The following TDRD7 variants were observed in gnomAD, a reference collection of about 807,000 sequenced individuals.
TDRD7 encodes the protein tudor domain containing 7, also known as tudor domain-containing protein 7.
Under a neutral mutation model 109.8 loss-of-function variants are expected in TDRD7, and 47 were observed. The ratio of observed to expected loss-of-function variants is 0.43; its 90% CI spans 0.34 to 0.55. The LOEUF is 0.55. TDRD7 is among the 20% of genes least tolerant of loss of function. TDRD7 has a pLI of 0.03. For missense variants in TDRD7, 1,164 were observed against 1,319.2 expected (o/e 0.88, Z 1.82); for synonymous variants, 424 against 457.3 (o/e 0.93, Z 0.93).
At chr9:97,469,038 T>A (rs1007949927) in intron 8 of TDRD7, among the ~76,000 whole-genome samples, 1 of 152,216 alleles carries the variant, frequency 6.6e-6, no homozygotes, top group African/African-American at 2.4e-5. Flanking sequence ...CTTTTGAGGC[T>A]TTGGAGCAGT....
intron 12 of TDRD7, among the ~76,000 whole-genome samples, chr9:97,476,982 A>G (rs573027929): frequency 6.6e-6 from 1 of 152,042 alleles, no homozygotes; most frequent in South Asian, 2.1e-4. Context: ...ATCTCGGGTC[A>G]TATGACCAAG....
intron 5 of TDRD7, among the ~76,000 whole-genome samples, chr9:97,440,180 T>G (rs1828276912): frequency 6.6e-6 from 1 of 152,226 alleles, no homozygotes. Context: ...GAATATCCTT[T>G]TAGAAGCTTA....
intron 6 of TDRD7, among the ~76,000 whole-genome samples, chr9:97,442,887 C>T (rs1828335637): frequency 6.6e-6 from 1 of 152,066 alleles, no homozygotes; most frequent in Admixed American, 6.6e-5. Context: ...CCTTCGCCTC[C>T]AGGGTTCAGG....
intron 9 of TDRD7, among the ~76,000 whole-genome samples, chr9:97,471,106 A>G (rs771170862): frequency 6.6e-6 from 1 of 152,184 alleles, no homozygotes; most frequent in Non-Finnish European, 1.5e-5. Flanking sequence ...GTTTGATCAC[A>G]GGTCACATGC....
chr9:97,417,254 G>T (rs182614040), intron 1 of TDRD7, among the ~76,000 whole-genome samples: 15 of 152,284 alleles, frequency 9.9e-5, no homozygotes, highest in Non-Finnish European at 1.6e-4. Flanking sequence ...AGAAGTGGGG[G>T]TTGCAGGTTA....
rs117483695 is a variant in TDRD7 at position 97,439,565 on chromosome 9, A to G, written c.637+247A>G. On this transcript the variant is annotated intron_variant, in intron 5 of 16. Transcript: ENST00000355295. ...CCCAGCCCTACTCTGTGTCACCTCTATGTGTGGCCTGCAGAGATGCTTGTG... is the reference window on the plus strand; with the variant it reads ...CCCAGCCCTACTCTGTGTCACCTCTGTGTGTGGCCTGCAGAGATGCTTGTG... 1.1e-3 allele frequency among the ~76,000 whole-genome samples: 169 copies of G among 152,246 alleles called. 2 individuals carry two copies. In the East Asian group the frequency reaches 0.029, roughly 26 times the overall value.
In TDRD7 at chr9:97,439,280, A is replaced by G. The variant is rs1339727470; in HGVS notation, c.599A>G (p.Gln200Arg). 4 of 1,602,914 alleles carry G rather than the reference A, an allele frequency of 2.5e-6. No individual in the cohort carries two copies. In the South Asian group the frequency reaches 4.4e-5, roughly 18 times the overall value. The change falls in exon 5 of 17, where the codon CAG becomes CGG. Residue 200 changes from glutamine (Q) to arginine (R), a missense_variant. Physicochemically the swap from Gln to Arg is conservative, Grantham distance 43. Transcript: ENST00000355295. The stretch of plus-strand genomic sequence containing the variant: ...AAGGCGTCCCTTCAACCACCTTTGC[A>G]GATGCATCTCTCAAGAACCTCTACT... ...SPKASLQPPL[Q>R]MHLSRTSTKE...
chr9:97,481,821 A>C (rs1829121478), intron 14 of TDRD7, among the ~76,000 whole-genome samples: 1 of 152,226 alleles, frequency 6.6e-6, no homozygotes, highest in African/African-American at 2.4e-5. Flanking sequence ...TATAAATTTC[A>C]AAATGAATTT....
At chr9:97,491,849 A>G (rs954844451) in intron 16 of TDRD7, among the ~76,000 whole-genome samples, 3 of 152,240 alleles carry the variant, frequency 2.0e-5, no homozygotes, top group Admixed American at 6.5e-5. Flanking sequence ...AACTGGAAGC[A>G]TGAGGAGATT....
intron 13 of TDRD7, among the ~76,000 whole-genome samples, chr9:97,479,979 G>A (rs1829087424): frequency 6.6e-6 from 1 of 152,064 alleles, no homozygotes. Flanking sequence ...CAAGTGTGCT[G>A]CCTGCTCTAA....
At chr9:97,438,770 A>G (rs1243081782) in intron 4 of TDRD7, among the ~76,000 whole-genome samples, 2 of 152,132 alleles carry the variant, frequency 1.3e-5, no homozygotes, top group African/African-American at 4.8e-5. Context: ...ATGTACCAAG[A>G]TATAATGCAA....
rs181327063 is a variant in TDRD7, at chr9:97,448,840, G to C, written c.855+6965G>C. Among the ~76,000 whole-genome samples the C allele has an allele frequency of 7.9e-5, 12 of 152,240 alleles. No homozygotes were observed. The East Asian group carries it at 2.3e-3, about 29-fold the overall frequency. On this transcript the variant is annotated intron_variant, in intron 6 of 16. Transcript: ENST00000355295. ...AAAACTGTGCCCATATAAATGCTTT[G>C]GAAAGCTTGATTTAACTGGACAATA... is the stretch of plus-strand genomic sequence containing the variant.
At chr9:97,425,777 C>G (rs1014233322) in intron 1 of TDRD7, among the ~76,000 whole-genome samples, 1 of 152,152 alleles carries the variant, frequency 6.6e-6, no homozygotes, top group African/African-American at 2.4e-5. Context: ...TGCAGTCGTA[C>G]ATTGCCTAAC....
intron 7 of TDRD7, among the ~76,000 whole-genome samples, chr9:97,462,782 T>C (rs1331428544): frequency 6.6e-6 from 1 of 152,234 alleles, no homozygotes; most frequent in Non-Finnish European, 1.5e-5. Context: ...CTGTGCCTCA[T>C]CCAACACCGT....
At chr9:97,467,501 T>C (rs569622878) in intron 8 of TDRD7, among the ~76,000 whole-genome samples, 1 of 152,362 alleles carries the variant, frequency 6.6e-6, no homozygotes, top group South Asian at 2.1e-4. Context: ...GTGTTGTATA[T>C]ACCTGATACA....
chr9:97,483,923 C>A (rs934578349), intron 15 of TDRD7, among the ~76,000 whole-genome samples: 2 of 152,098 alleles, frequency 1.3e-5, no homozygotes, highest in Non-Finnish European at 2.9e-5. Flanking sequence ...TCATGATATA[C>A]AGAATTCCTT....
chr9:97,475,287 A>C, intron 11 of TDRD7, 96 bp from the exon 12 acceptor site: 3 of 944,480 alleles, frequency 3.2e-6, no homozygotes, highest in Admixed American at 3.8e-5. Context: ...CATGTCGGTT[A>C]AGTCTGCCAG....
In TDRD7 at chr9:97,432,126, G is replaced by A. The variant is rs1828114477; in HGVS notation, c.451G>A (p.Gly151Arg). ...APLRDKGNSV[G>R]VKPDAEMSPY... ...GTTAAGAGACAAAGGAAACTCTGTT[G>A]GAGTTAAGCCTGATGCTGAAATGTC... The change falls in exon 4 of 17, where the codon GGA becomes AGA. Residue 151 changes from glycine to arginine, a missense_variant. This residue lies in a region of TDRD7 where 407 missense variants were observed against 394.0 expected (regional missense o/e 1.03). Coordinates refer to ENST00000355295, the MANE Select transcript of TDRD7 (RefSeq NM_014290.3). 1.2e-6 allele frequency: 2 copies of A among 1,613,826 alleles called. No homozygotes were observed. The highest frequency in any genetic ancestry group is 2.2e-5 in the East Asian group (1 of 44,880).
intron 8 of TDRD7, among the ~76,000 whole-genome samples, chr9:97,467,379 G>C (rs532279922): frequency 2.7e-4 from 41 of 152,256 alleles, no homozygotes; most frequent in Admixed American, 2.4e-3. Flanking sequence ...GGGAATTCAG[G>C]CTCTCGTGTC....
Sources: allele counts gnomAD v4.1 joint callset (sites outside exome capture counted in the v4.1 genomes callset), GRCh38; gene constraint gnomAD v4.1.1; regional missense constraint gnomAD v4.1.1; transcripts MANE v1.5; gene names NCBI Gene and HGNC (gene_info 2026-07-23, HGNC 2026-07-21).